Variants in NDST4 observed in about 807,000 individuals in gnomAD.
NDST4 encodes the protein N-heparan sulfate sulfotransferase 4.
A neutral mutation model predicts 100.8 loss-of-function variants in NDST4; 63 were observed. That is an observed-to-expected ratio of 0.62 (90% CI 0.51 to 0.77). NDST4 has a LOEUF of 0.77. NDST4 is among the 30% of genes least tolerant of loss of function. The pLI is 0.00. For missense variants in NDST4, 943 were observed against 1,018.4 expected (o/e 0.93, Z 1.01); for synonymous variants, 377 against 361.8 (o/e 1.04, Z -0.48).
intron 6 of NDST4, among the ~76,000 whole-genome samples, chr4:114,875,253 A>G (rs143623561): frequency 1.1e-3 from 172 of 152,160 alleles, no homozygotes; most frequent in Admixed American, 2.1e-3. Context: ...TTCTCCCTCA[A>G]CTCTCAAGGC....
At chr4:114,895,210 G>T (rs76503938) in intron 6 of NDST4, among the ~76,000 whole-genome samples, 5 of 151,608 alleles carry the variant, frequency 3.3e-5, no homozygotes, top group Non-Finnish European at 7.4e-5. Context: ...CTGGGTTTTT[G>T]AAAAAAATTA....
chr4:114,841,532 A>G (rs1462820505), intron 10 of NDST4, among the ~76,000 whole-genome samples: 1 of 152,232 alleles, frequency 6.6e-6, no homozygotes, highest in Admixed American at 6.5e-5. Context: ...AGAGGCACAC[A>G]CATCATAAAG....
In NDST4 at chr4:114,935,239, T is replaced by A; in HGVS notation, c.1503A>T (p.Gly501=). ...GPQELDKSIR[G]GELFLTILLN... is the part of the protein sequence containing the mutation. ...GAAGGATTGTGAGAAAAAGTTCACC[T>A]CCTCTGATACTTTTATCCAGTTCTT... Residue 501 remains glycine (G), a synonymous_variant, in exon 6 of 14, where the codon GGA becomes GGT. Coordinates refer to ENST00000264363, the MANE Select transcript of NDST4 (RefSeq NM_022569.3). 6.2e-7 allele frequency: 1 copy of A among 1,608,866 alleles called. No individual in the cohort carries two copies.
intron 6 of NDST4, among the ~76,000 whole-genome samples, chr4:114,883,856 C>A (rs548195926): frequency 2.6e-5 from 4 of 152,208 alleles, no homozygotes; most frequent in African/African-American, 9.6e-5. Flanking sequence ...CTTGCATGCG[C>A]AGTTCACAAT....
intron 2 of NDST4, among the ~76,000 whole-genome samples, chr4:115,027,958 C>T (rs1728024964): frequency 6.6e-6 from 1 of 151,840 alleles, no homozygotes; most frequent in African/African-American, 2.4e-5. Context: ...GAGGTTGAGG[C>T]AGGAGAATCT....
At chr4:115,063,708 C>T (rs986349850) in intron 2 of NDST4, among the ~76,000 whole-genome samples, 2 of 151,956 alleles carry the variant, frequency 1.3e-5, no homozygotes, top group African/African-American at 4.8e-5. Context: ...AGAAAACCAA[C>T]CAGAAAATAT....
chr4:114,924,874 T>A (rs1301983415), intron 6 of NDST4, among the ~76,000 whole-genome samples: 1 of 152,092 alleles, frequency 6.6e-6, no homozygotes, highest in African/African-American at 2.4e-5. Context: ...AAGACAAGTA[T>A]TTATGGTAAT....
chr4:115,093,966 G>T (rs1023925331), intron 1 of NDST4, among the ~76,000 whole-genome samples: 4 of 151,902 alleles, frequency 2.6e-5, no homozygotes, highest in Non-Finnish European at 5.9e-5. Context: ...AAATACAATA[G>T]AGAGAAAAAT....
intron 2 of NDST4, among the ~76,000 whole-genome samples, chr4:115,060,652 T>C (rs1430064655): frequency 3.3e-5 from 5 of 151,966 alleles, no homozygotes; most frequent in Admixed American, 3.3e-4. Flanking sequence ...TGTTAAATAT[T>C]ATTTGGGAAG....
rs185439519 is a variant in NDST4, at chr4:115,010,954, G to A, written c.979-33680C>T. ...AAATACAATGTTGAATTTAGCACAG[G>A]TTCAGAATTAAACATGGCAAAAATA... On this transcript the variant is annotated intron_variant, in intron 2 of 13. Coordinates refer to ENST00000264363, the MANE Select transcript of NDST4 (RefSeq NM_022569.3). 1.3e-4 allele frequency among the ~76,000 whole-genome samples: 20 copies of A among 152,074 alleles called. No individual in the cohort carries two copies. The East Asian group carries it at 3.7e-3, about 28-fold the overall frequency.
At chr4:114,930,329 G>A (rs1725485999) in intron 6 of NDST4, among the ~76,000 whole-genome samples, 1 of 152,172 alleles carries the variant, frequency 6.6e-6, no homozygotes, top group Non-Finnish European at 1.5e-5. Flanking sequence ...AGATCACAGA[G>A]CATCCATGCG....
intron 6 of NDST4, among the ~76,000 whole-genome samples, chr4:114,906,715 C>A (rs1444871187): frequency 2.0e-5 from 3 of 151,808 alleles, no homozygotes; most frequent in Admixed American, 6.6e-5. Context: ...ACATAAATAT[C>A]ATTATAAATA....
intron 1 of NDST4, among the ~76,000 whole-genome samples, chr4:115,098,618 G>A (rs748277929): frequency 3.8e-4 from 58 of 152,282 alleles, no homozygotes; most frequent in Middle Eastern, 6.8e-3. Flanking sequence ...TCAAGACACC[G>A]TGGTGTAAAT....
At chr4:114,841,869 G>A (rs1004385998) in intron 10 of NDST4, among the ~76,000 whole-genome samples, 1 of 151,692 alleles carries the variant, frequency 6.6e-6, no homozygotes, top group African/African-American at 2.4e-5. Context: ...CCAACTACTC[G>A]ACCTCCAGTT....
intron 2 of NDST4, among the ~76,000 whole-genome samples, chr4:115,037,803 A>T (rs552872225): frequency 6.6e-6 from 1 of 152,322 alleles, no homozygotes; most frequent in Admixed American, 6.5e-5. Context: ...ATTCAACAAC[A>T]TAGGCCATTG....
chr4:115,096,268 T>C (rs947073783), intron 1 of NDST4, among the ~76,000 whole-genome samples: 3 of 150,272 alleles, frequency 2.0e-5, no homozygotes, highest in Admixed American at 6.6e-5. Flanking sequence ...GCAATTCTGA[T>C]AATGGATAGA....
At chr4:114,856,887 C>T (rs1020563120) in intron 7 of NDST4, among the ~76,000 whole-genome samples, 15 of 152,278 alleles carry the variant, frequency 9.9e-5, no homozygotes, top group African/African-American at 2.4e-4. Flanking sequence ...TGGGACATCC[C>T]GTTCATAGCA....
At chr4:115,103,745 C>T (rs1256948197) in intron 1 of NDST4, among the ~76,000 whole-genome samples, 1 of 151,976 alleles carries the variant, frequency 6.6e-6, no homozygotes, top group Non-Finnish European at 1.5e-5. Context: ...CCAACTTGGC[C>T]ATAAACCAGA....
At chr4:114,933,432 C>CTTTTTTTTTTTTTTTTTCTTT (rs1725555563) in intron 6 of NDST4, among the ~76,000 whole-genome samples, 1 of 89,278 alleles carries the variant, frequency 1.1e-5, no homozygotes, top group Non-Finnish European at 2.1e-5. Context: ...TTTTCTTTTC[C>CTTTTTTTTTTTTTTTTTCTTT]TTTTTTTTTT....
Sources: allele counts gnomAD v4.1 joint callset (sites outside exome capture counted in the v4.1 genomes callset), GRCh38; gene constraint gnomAD v4.1.1; transcripts MANE v1.5; gene names NCBI Gene and HGNC (gene_info 2026-07-23, HGNC 2026-07-21).